The following MED12L variants were observed in gnomAD, a reference collection of about 807,000 sequenced individuals.
The protein encoded by MED12L is mediator of RNA polymerase II transcription subunit 12-like protein.
MED12L carries 60 observed loss-of-function variants against 281.3 expected under a neutral mutation model. That is an observed-to-expected ratio of 0.21 (90% confidence interval 0.17 to 0.26). The LOEUF (loss-of-function observed/expected upper bound fraction) is 0.26, where lower values mean the gene tolerates loss of function less well. MED12L is among the 10% of genes least tolerant of loss of function. MED12L has a pLI of 1.00. For missense variants in MED12L, 2,146 were observed against 2,680.9 expected (o/e 0.80, Z 4.41); for synonymous variants, 974 against 987.2 (o/e 0.99, Z 0.25).
intron 16 of MED12L, among the ~76,000 whole-genome samples, chr3:151,265,792 TG>T (rs1739713347): frequency 1.3e-5 from 2 of 152,116 alleles, no homozygotes; most frequent in Admixed American, 1.3e-4. Flanking sequence ...GGTAAGATTG[TG>T]TTTGTATAAA....
intron 43 of MED12L, among the ~76,000 whole-genome samples, chr3:151,422,313 C>G (rs1345985695): frequency 6.6e-6 from 1 of 152,196 alleles, no homozygotes; most frequent in African/African-American, 2.4e-5. Context: ...CAGAAATGTA[C>G]TGTCTGTTTT....
chr3:151,354,985 GTATT>G, intron 17 of MED12L, 132 bp from the exon 18 acceptor site: 2 of 693,184 alleles, frequency 2.9e-6, no homozygotes, highest in East Asian at 2.7e-5. Context: ...GTCTTATTGT[GTATT>G]TATTTTATTG....
In MED12L at chr3:151,317,183, TAA is replaced by T. The variant is rs369902642; in HGVS notation, c.2251-32874_2251-32873del. Among the ~76,000 whole-genome samples the T allele has an allele frequency of 2.8e-4, 42 of 152,268 alleles. No homozygotes were observed. The East Asian group carries it at 6.2e-3, about 22-fold the overall frequency. On this transcript the variant is annotated intron_variant, in intron 16 of 44. Coordinates refer to ENST00000687756, the MANE Select transcript of MED12L (RefSeq NM_001393769.1). The stretch of plus-strand genomic sequence containing the variant: ...TGAAAATATTATTCTACATATTATT[TAA>T]AGAGTATTGTTGTAATTGATAACTT...
At chr3:151,182,510 G>A (rs1722824377) in intron 11 of MED12L, among the ~76,000 whole-genome samples, 1 of 152,242 alleles carries the variant, frequency 6.6e-6, no homozygotes, top group Admixed American at 6.5e-5. Context: ...CCTCTGGTCA[G>A]CCTGAATCCT....
At chr3:151,094,930 G>A (rs548817573) in intron 2 of MED12L, among the ~76,000 whole-genome samples, 2 of 152,272 alleles carry the variant, frequency 1.3e-5, no homozygotes, top group East Asian at 3.9e-4. Context: ...TAGGCAGAGG[G>A]ATCTCCTAGG....
chr3:151,343,112 G>T (rs867241411), intron 16 of MED12L, among the ~76,000 whole-genome samples: 1 of 152,124 alleles, frequency 6.6e-6, no homozygotes, highest in Non-Finnish European at 1.5e-5. Flanking sequence ...GTAGTGAGAA[G>T]TGAATCTCGT....
At position 151,262,392 on chromosome 3, in the gene MED12L, C is replaced by T. The variant is rs73869175; in HGVS notation, c.2250+68726C>T. On this transcript the variant is annotated intron_variant, in intron 16 of 44. Coordinates refer to ENST00000687756, the MANE Select transcript of MED12L (RefSeq NM_001393769.1). ...GAAGAATTTGCACACTGAGATATCTCCAGACATTAATGCTGGGCCCTGTGG... is the reference window on the plus strand; with the variant it reads ...GAAGAATTTGCACACTGAGATATCTTCAGACATTAATGCTGGGCCCTGTGG... Among the ~76,000 whole-genome samples the T allele has an allele frequency of 8.1e-3, 1,232 of 152,302 alleles. 18 individuals carry two copies. Among genetic ancestry groups the T allele is most frequent in the African/African-American group, 0.028 (1,157 of 41,558 alleles).
chr3:151,394,326 G>C (rs1714676369), intron 38 of MED12L, among the ~76,000 whole-genome samples: 1 of 152,206 alleles, frequency 6.6e-6, no homozygotes, highest in Non-Finnish European at 1.5e-5. Context: ...TTTTATACAA[G>C]TAATATGTTC....
intron 31 of MED12L, among the ~76,000 whole-genome samples, 191 bp from the exon 32 acceptor site, chr3:151,379,922 C>T (rs1432560566): frequency 6.6e-6 from 1 of 152,058 alleles, no homozygotes; most frequent in Non-Finnish European, 1.5e-5. Flanking sequence ...TTAGAGCATA[C>T]GAAGTGATTT....
At position 151,435,576 on chromosome 3, in the gene MED12L, T is replaced by TTA. The variant is rs1441656739; in HGVS notation, c.*2772_*2773insTA. The TTA allele has an allele frequency of 1.3e-5, 2 of 152,122 alleles. No homozygotes were observed. The highest frequency in any genetic ancestry group is 4.8e-5 in the African/African-American group (2 of 41,426). The allele number at this position is 152,122 out of a possible 1,614,324, so 9.4% of individuals were successfully genotyped here. A position where few individuals can be genotyped will look rare whatever the true frequency, so the allele number is the denominator to read the frequency against. On this transcript the variant is annotated 3_prime_UTR_variant, in exon 45 of 45. Transcript: ENST00000687756. ...ATTCTCGGTTTTGTGCACTGAGATA[T>TTA]CTAAGACCTATGGCATTTTTTTCCC... is the stretch of plus-strand genomic sequence containing the variant.
intron 17 of MED12L, 82 bp from the exon 18 acceptor site, chr3:151,355,039 T>C: frequency 1.0e-6 from 1 of 979,472 alleles, no homozygotes; most frequent in Non-Finnish European, 1.6e-6. Flanking sequence ...ATGTATGCTA[T>C]ACTTTAAAAA....
In MED12L at chr3:151,172,125, G is replaced by A. The variant is rs561626799; in HGVS notation, c.1494+6143G>A. 3.9e-5 allele frequency among the ~76,000 whole-genome samples: 6 copies of A among 152,300 alleles called. No individual in the cohort carries two copies. The South Asian group carries it at 6.2e-4, about 16-fold the overall frequency. ...TAGATTCAGATGTGGGAGAGAGTAC[G>A]TGCAGGTAGAGGTAGGGGTGTGGCT... On this transcript the variant is annotated intron_variant, in intron 11 of 44. Transcript: ENST00000687756.
At chr3:151,159,493 C>CT (rs1209493241) in intron 7 of MED12L, among the ~76,000 whole-genome samples, 1 of 152,120 alleles carries the variant, frequency 6.6e-6, no homozygotes. Context: ...GATGTGTGCT[C>CT]TAAGTGTAAA....
At chr3:151,163,365 A>G (rs1720248712) in intron 8 of MED12L, among the ~76,000 whole-genome samples, 2 of 152,264 alleles carry the variant, frequency 1.3e-5, no homozygotes, top group Admixed American at 1.3e-4. Flanking sequence ...AACTGTAGGT[A>G]GCCTGCAAAG....
intron 16 of MED12L, among the ~76,000 whole-genome samples, chr3:151,345,522 T>C (rs1332946122): frequency 1.5e-5 from 2 of 135,032 alleles, no homozygotes; most frequent in South Asian, 2.5e-4. Context: ...TTTTTCTTTT[T>C]TTTTTTTTTT....
At chr3:151,387,258 C>G (rs1456176313) in intron 36 of MED12L, among the ~76,000 whole-genome samples, 1 of 151,556 alleles carries the variant, frequency 6.6e-6, no homozygotes, top group African/African-American at 2.4e-5. Context: ...TTACTTATTC[C>G]TGCTGCTACA....
intron 3 of MED12L, among the ~76,000 whole-genome samples, chr3:151,117,693 C>CT (rs2148745190): frequency 6.8e-6 from 1 of 146,040 alleles, no homozygotes; most frequent in East Asian, 2.0e-4. Flanking sequence ...TTCTACAATA[C>CT]TTTTTGCCCT....
chr3:151,388,196 C>A lies in MED12L; in HGVS notation c.5451+24C>A, dbSNP rs533954803. On this transcript the variant is annotated intron_variant, in intron 37 of 44. Coordinates refer to ENST00000687756, the MANE Select transcript of MED12L (RefSeq NM_001393769.1). The stretch of plus-strand genomic sequence containing the variant: ...ATGTAAGTGGGGAAAGGAAGGAGAA[C>A]CTTGGCTCATTAGCATTTAGTATGA... 5.7e-6 allele frequency: 9 copies of A among 1,567,728 alleles called. No homozygotes were observed. The African/African-American group carries it at 1.2e-4, about 21-fold the overall frequency.
At chr3:151,389,836 C>G in intron 37 of MED12L, 143 bp from the exon 38 acceptor site, 75 of 685,436 alleles carry the variant, frequency 1.1e-4, no homozygotes, top group Non-Finnish European at 1.6e-4. Flanking sequence ...TATTAGCACT[C>G]TTCCTTCCAT....
Sources: gnomAD v4.1 joint callset for allele counts (sites outside exome capture counted in the v4.1 genomes callset) on GRCh38, gnomAD v4.1.1 for gene constraint, MANE v1.5 for transcripts, NCBI Gene and HGNC (gene_info 2026-07-23, HGNC 2026-07-21) for gene names.